RIGI: variants seen among roughly 807,000 people sequenced by gnomAD.
RIGI encodes the protein antiviral innate immune response receptor RIG-I.
At chr9:32,517,816 G>T in the RIGI span, among the ~76,000 whole-genome samples, 1 of 152,110 alleles carries the variant, frequency 6.6e-6, no homozygotes, top group African/African-American at 2.4e-5. Flanking sequence ...GTTATAAAAT[G>T]GTTAAGAAGG....
chr9:32,504,702 T>TA, the RIGI span, among the ~76,000 whole-genome samples: 7 of 144,916 alleles, frequency 4.8e-5, no homozygotes, highest in Middle Eastern at 3.3e-3. Context: ...TATATATATA[T>TA]TATACATTTA....
chr9:32,456,986 G>C, the RIGI span: 1 of 678,170 alleles, frequency 1.5e-6, no homozygotes, highest in Non-Finnish European at 2.5e-6. Context: ...ATATAATATA[G>C]TACAAACTGC....
At chr9:32,501,051 G>C in the RIGI span, 1 of 1,305,536 alleles carries the variant, frequency 7.7e-7, no homozygotes, top group Non-Finnish European at 1.1e-6. Flanking sequence ...ATTGTACCAA[G>C]TCACAGCATT....
chr9:32,510,676 C>T, the RIGI span, among the ~76,000 whole-genome samples: 1 of 152,166 alleles, frequency 6.6e-6, no homozygotes, highest in African/African-American at 2.4e-5. Flanking sequence ...GAAACTGCAT[C>T]AACTAACAGG....
At chr9:32,492,368 G>T in the RIGI span, 2 of 1,613,606 alleles carry the variant, frequency 1.2e-6, no homozygotes, top group Non-Finnish European at 1.7e-6. Flanking sequence ...AAGTAGAGCT[G>T]TGAGGAGGGT....
the RIGI span, among the ~76,000 whole-genome samples, chr9:32,525,884 G>A: frequency 6.6e-6 from 1 of 152,112 alleles, no homozygotes; most frequent in South Asian, 2.1e-4. Flanking sequence ...TCCCCACCTA[G>A]GCCTCCGAGG....
chr9:32,485,253 T>G, the RIGI span: 20 of 1,602,280 alleles, frequency 1.2e-5, no homozygotes, highest in Non-Finnish European at 1.7e-5. Flanking sequence ...AATTTGTCGC[T>G]AATCCGTGAT....
At chr9:32,474,536 C>T in the RIGI span, among the ~76,000 whole-genome samples, 1 of 152,200 alleles carries the variant, frequency 6.6e-6, no homozygotes, top group East Asian at 1.9e-4. Flanking sequence ...CACCCTCTAT[C>T]TCAATCTCTG....
the RIGI span, chr9:32,466,300 A>C: frequency 1.9e-6 from 3 of 1,613,482 alleles, no homozygotes; most frequent in Non-Finnish European, 2.5e-6. Flanking sequence ...CTTTTCCCTA[A>C]ATACTGCTTC....
the RIGI span, chr9:32,485,214 C>T: frequency 6.2e-7 from 1 of 1,609,770 alleles, no homozygotes; most frequent in Non-Finnish European, 8.5e-7. Flanking sequence ...CTCTCTGTGT[C>T]CCTCATCAGC....
the RIGI span, chr9:32,485,304 AAAG>A: frequency 4.8e-6 from 7 of 1,469,408 alleles, no homozygotes; most frequent in African/African-American, 9.9e-5. Flanking sequence ...AAAAAAAGAA[AAAG>A]AAAAAAAGAG....
the RIGI span, chr9:32,456,033 T>C: frequency 6.6e-6 from 1 of 152,174 alleles, no homozygotes; most frequent in Non-Finnish European, 1.5e-5. Context: ...ACTAAGCTCT[T>C]TGAAGCATCA....
At chr9:32,480,373 G>A in the RIGI span, 1 of 1,569,326 alleles carries the variant, frequency 6.4e-7, no homozygotes, top group East Asian at 2.3e-5. Flanking sequence ...AGTAAAAACT[G>A]TCTCAATATG....
At chr9:32,475,826 T>C in the RIGI span, among the ~76,000 whole-genome samples, 1 of 152,140 alleles carries the variant, frequency 6.6e-6, no homozygotes, top group Non-Finnish European at 1.5e-5. Context: ...TACTGAACTT[T>C]GTCAAAACTT....
the RIGI span, among the ~76,000 whole-genome samples, chr9:32,508,333 G>A: frequency 2.0e-4 from 28 of 140,776 alleles, no homozygotes; most frequent in Admixed American, 5.3e-4. Flanking sequence ...GAACAGCTCC[G>A]GTCTGCAGCT....
chr9:32,524,807 T>G, the RIGI span, among the ~76,000 whole-genome samples: 1 of 151,972 alleles, frequency 6.6e-6, no homozygotes, highest in Non-Finnish European at 1.5e-5. Context: ...TTCACCATAT[T>G]GGCCAAGCTG....
chr9:32,461,777 A>G, the RIGI span, among the ~76,000 whole-genome samples: 1 of 152,082 alleles, frequency 6.6e-6, no homozygotes, highest in Admixed American at 6.5e-5. Flanking sequence ...TCAATACGAA[A>G]CTACTAGCTA....
the RIGI span, among the ~76,000 whole-genome samples, chr9:32,490,939 C>T: frequency 6.6e-6 from 1 of 152,114 alleles, no homozygotes; most frequent in Non-Finnish European, 1.5e-5. Context: ...GGAAATTGAG[C>T]AAGTGACTCA....
chr9:32,481,242 T>G, the RIGI span: 3 of 1,275,144 alleles, frequency 2.4e-6, no homozygotes, highest in African/African-American at 3.0e-5. Flanking sequence ...AGTGAGCTCT[T>G]GAGGACAGGA....
Sources: allele counts gnomAD v4.1 joint callset (sites outside exome capture counted in the v4.1 genomes callset), GRCh38; gene constraint gnomAD v4.1.1; transcripts MANE v1.5; gene names NCBI Gene and HGNC (gene_info 2026-07-23, HGNC 2026-07-21).